Variants in C5AR2 observed in about 807,000 individuals in gnomAD.
The protein encoded by C5AR2 is C5a anaphylatoxin chemotactic receptor 2.
For synonymous variants in C5AR2, 224 were observed against 216.5 expected, an observed-to-expected ratio of 1.03 and a Z score of -0.30; for missense variants, 458 against 467.5, an observed-to-expected ratio of 0.98 and a Z score of 0.19.
chr19:47,344,403 T>C lies in C5AR2; in HGVS notation c.*2590T>C, dbSNP rs1969089436. 1 of 152,068 alleles carries C rather than the reference T, an allele frequency of 6.6e-6. No homozygotes were observed. 9.4% of individuals were successfully genotyped at this position (152,068 alleles called of 1,614,324 possible). ...TGATACCTGTGTCTGCGGTCATTAC[T>C]CCAGAACAGCACTTCACATATAGTT... On this transcript the variant is annotated 3_prime_UTR_variant, in exon 2 of 2. Coordinates refer to ENST00000595464, the MANE Select transcript of C5AR2 (RefSeq NM_001271749.2).
intron 1 of C5AR2, among the ~76,000 whole-genome samples, chr19:47,334,965 A>G (rs2059351879): frequency 6.6e-6 from 1 of 150,732 alleles, no homozygotes; most frequent in African/African-American, 2.4e-5. Context: ...GCTGACTGCA[A>G]CCTCCACCTC....
Position 47,340,898 on chromosome 19 carries a change from G to C in C5AR2, c.99G>C (p.Pro33=). ...CLDGACLAID[P]LRVAPLPLYA... is the part of the protein sequence containing the mutation. ...ATGGCGCCTGCCTGGCCATCGACCC[G>C]CTGCGCGTGGCCCCGCTCCCACTGT... Residue 33 remains proline, a synonymous_variant, in exon 2 of 2, where the codon CCG becomes CCC. Coordinates refer to ENST00000595464, the MANE Select transcript of C5AR2 (RefSeq NM_001271749.2). 1.2e-6 allele frequency: 2 copies of C among 1,612,954 alleles called. No homozygotes were observed. The highest frequency in any genetic ancestry group is 1.7e-6 in the Non-Finnish European group (2 of 1,179,966).
At chr19:47,340,684 A>G (rs1435785508) in intron 1 of C5AR2, 101 bp from the exon 2 acceptor site, 13 of 1,059,016 alleles carry the variant, frequency 1.2e-5, no homozygotes, top group Non-Finnish European at 1.9e-5. Context: ...GCAATATTCC[A>G]GTTTGCAAGG....
intron 1 of C5AR2, among the ~76,000 whole-genome samples, chr19:47,335,347 A>T (rs1024430954): frequency 6.6e-6 from 1 of 152,086 alleles, no homozygotes; most frequent in Non-Finnish European, 1.5e-5. Context: ...GGGCACGTTA[A>T]GTGGAAAAGA....
intron 1 of C5AR2, 124 bp from the exon 2 acceptor site, chr19:47,340,661 G>C (rs1041955685): frequency 1.8e-5 from 15 of 839,304 alleles, no homozygotes; most frequent in Non-Finnish European, 2.8e-5. Flanking sequence ...TAAAGCACTG[G>C]AGTCCTTATG....
At position 47,341,786 on chromosome 19, in the gene C5AR2, T is replaced by C; in HGVS notation, c.987T>C (p.His329=). The C allele has an allele frequency of 6.2e-7, 1 of 1,613,632 alleles. No individual in the cohort carries two copies. Among genetic ancestry groups the C allele is most frequent in the South Asian group, 1.1e-5 (1 of 91,076 alleles). ...ESVDSKKSTS[H]DLVSEMEV ...TGGACAGCAAGAAATCCACCAGCCA[T>C]GACCTGGTCTCGGAGATGGAGGTGT... Residue 329 remains histidine (H), a synonymous_variant, in exon 2 of 2, where the codon CAT becomes CAC. Coordinates refer to ENST00000595464, the MANE Select transcript of C5AR2 (RefSeq NM_001271749.2). This position sits in a 1 kb window ranked among gnomAD's most constrained non-coding sequence, Gnocchi z 4.6.
Position 47,344,503 on chromosome 19 carries a change from G to T in C5AR2, c.*2690G>T, listed in dbSNP as rs2910425. 0.011 allele frequency: 1,724 copies of T among 152,238 alleles called. 23 individuals are homozygous for T. The highest frequency in any genetic ancestry group is 0.071 in the Middle Eastern group (21 of 294). 9.4% of individuals were successfully genotyped at this position (152,238 alleles called of 1,614,324 possible). On this transcript the variant is annotated 3_prime_UTR_variant, in exon 2 of 2. Coordinates refer to ENST00000595464, the MANE Select transcript of C5AR2 (RefSeq NM_001271749.2). ...CTTCATTTTATAAGCTGAGGTCCTGGGAGGGGAGGTCATTTACCCAAGATC... is the reference window on the plus strand; with the variant it reads ...CTTCATTTTATAAGCTGAGGTCCTGTGAGGGGAGGTCATTTACCCAAGATC...
At chr19:47,334,287 G>C (rs2059349304) in intron 1 of C5AR2, among the ~76,000 whole-genome samples, 1 of 151,992 alleles carries the variant, frequency 6.6e-6, no homozygotes, top group African/African-American at 2.4e-5. Flanking sequence ...TTAAAAGCTA[G>C]ATATAAGTAC....
chr19:47,334,030 A>C (rs1187461392), intron 1 of C5AR2, among the ~76,000 whole-genome samples: 1 of 152,126 alleles, frequency 6.6e-6, no homozygotes, highest in African/African-American at 2.4e-5. Context: ...TCTGTGCCTC[A>C]GTTTACTCTT....
intron 1 of C5AR2, among the ~76,000 whole-genome samples, chr19:47,339,161 A>G (rs543327476): frequency 2.6e-5 from 4 of 152,100 alleles, no homozygotes; most frequent in Admixed American, 2.6e-4. Flanking sequence ...CTCAAAAAAA[A>G]TAAATTATTG....
chr19:47,335,160 G>A (rs745830644), intron 1 of C5AR2, among the ~76,000 whole-genome samples: 234 of 151,774 alleles, frequency 1.5e-3, no homozygotes, highest in Non-Finnish European at 2.2e-3. Context: ...CTCCCAAAGC[G>A]TTGGGATTAC....
chr19:47,337,565 G>A (rs2059363046), intron 1 of C5AR2, among the ~76,000 whole-genome samples: 1 of 151,800 alleles, frequency 6.6e-6, no homozygotes, highest in Non-Finnish European at 1.5e-5. Flanking sequence ...AGGAGGCTGA[G>A]GCGGGAGAAT....
Position 47,345,142 on chromosome 19 carries a change from C to T in C5AR2, c.*3329C>T, listed in dbSNP as rs1390086374. On this transcript the variant is annotated 3_prime_UTR_variant, in exon 2 of 2. Coordinates refer to ENST00000595464, the MANE Select transcript of C5AR2 (RefSeq NM_001271749.2). ...TAGGTCTCAGCCTTATTTCACCCAG[C>T]TCCTGTTCAAGATGGAGTCACTCTG... is the stretch of plus-strand genomic sequence containing the variant. The T allele has an allele frequency of 6.5e-6, 1 of 152,878 alleles. No individual in the cohort carries two copies. The allele number at this position is 152,878 out of a possible 1,614,324, so 9.5% of individuals were successfully genotyped here. A position where few individuals can be genotyped will look rare whatever the true frequency, so the allele number is the denominator to read the frequency against.
chr19:47,336,544 G>A (rs2059359396), intron 1 of C5AR2, among the ~76,000 whole-genome samples: 1 of 149,488 alleles, frequency 6.7e-6, no homozygotes, highest in African/African-American at 2.5e-5. Flanking sequence ...GTCTCACTCT[G>A]TTGCTCAGGC....
intron 1 of C5AR2, among the ~76,000 whole-genome samples, chr19:47,335,882 A>G (rs2059355865): frequency 7.1e-6 from 1 of 141,314 alleles, no homozygotes; most frequent in Non-Finnish European, 1.5e-5. Flanking sequence ...ATGCGTGTGG[A>G]CAGTGATAAC....
rs1269303473 is a variant in C5AR2 at position 47,341,574 on chromosome 19, G to C, written c.775G>C (p.Ala259Pro). ...YHLLGLVLTV[A>P]APNSALLARA... ...CCTGCTGGGGCTGGTGCTCACTGTG[G>C]CGGCCCCGAACTCCGCACTCCTGGC... Residue 259 changes from alanine (A) to proline (P), a missense_variant, in exon 2 of 2, where the codon GCG (alanine) becomes CCG (proline). By Grantham distance (27) the Ala-to-Pro change is conservative. Coordinates refer to ENST00000595464, the MANE Select transcript of C5AR2 (RefSeq NM_001271749.2). This position sits in a 1 kb window ranked among gnomAD's most constrained non-coding sequence, Gnocchi z 4.6. 2 of 1,613,586 alleles carry C rather than the reference G, an allele frequency of 1.2e-6. No homozygotes were observed. The highest frequency in any genetic ancestry group is 1.7e-6 in the Non-Finnish European group (2 of 1,179,892).
chr19:47,341,370 G>C lies in C5AR2; in HGVS notation c.571G>C (p.Gly191Arg). The C allele has an allele frequency of 6.2e-7, 1 of 1,612,404 alleles. No individual in the cohort carries two copies. The highest frequency in any genetic ancestry group is 2.2e-5 in the East Asian group (1 of 44,864). Reference protein sequence around the residue: ...PARLQCVVDYGGSSSTENAVT... With the variant: ...PARLQCVVDYRGSSSTENAVT... ...CCGGCTGCAGTGTGTGGTGGACTAC[G>C]GCGGCTCCTCCAGCACCGAGAATGC... Residue 191 changes from glycine (G) to arginine (R), a missense_variant, in exon 2 of 2, where the codon GGC becomes CGC. Gly to Arg is a moderately radical substitution (Grantham distance 125). Transcript: ENST00000595464. This position sits in a 1 kb window ranked among gnomAD's most constrained non-coding sequence, Gnocchi z 4.6.
intron 1 of C5AR2, among the ~76,000 whole-genome samples, chr19:47,333,436 C>T (rs1272806851): frequency 6.6e-6 from 1 of 152,088 alleles, no homozygotes; most frequent in Non-Finnish European, 1.5e-5. Context: ...GCTATTTGGA[C>T]GGTTTCTCAT....
rs1479771138 is a variant in C5AR2 at position 47,343,666 on chromosome 19, C to G, written c.*1853C>G. On this transcript the variant is annotated 3_prime_UTR_variant, in exon 2 of 2. Coordinates refer to ENST00000595464, the MANE Select transcript of C5AR2 (RefSeq NM_001271749.2). Reference sequence around the variant, plus strand: ...ACAAAAAATACAAAAATTAGCCAGACGTGGTGGGGCGTGCCTGTAGTTCCA... The same window carrying G: ...ACAAAAAATACAAAAATTAGCCAGAGGTGGTGGGGCGTGCCTGTAGTTCCA... The G allele has an allele frequency of 1.3e-5, 2 of 151,688 alleles. No homozygotes were observed. The highest frequency in any genetic ancestry group is 4.2e-4 in the South Asian group (2 of 4,814). 9.4% of individuals were successfully genotyped at this position (151,688 alleles called of 1,614,324 possible). A position where few individuals can be genotyped will look rare whatever the true frequency, so the allele number is the denominator to read the frequency against.
Sources: gnomAD v4.1 joint callset for allele counts (sites outside exome capture counted in the v4.1 genomes callset) on GRCh38, gnomAD v4.1.1 for gene constraint, Gnocchi (gnomAD v3.1) non-coding constraint, MANE v1.5 for transcripts, NCBI Gene and HGNC (gene_info 2026-07-23, HGNC 2026-07-21) for gene names.